Variants in GDPD4 observed in about 807,000 individuals in gnomAD.
GDPD4 encodes glycerophosphodiester phosphodiesterase domain containing 4.
GDPD4 carries 60 observed loss-of-function variants against 67.8 expected under a neutral mutation model. The observed-to-expected ratio is 0.88, with a 90% CI of 0.72 to 1.10. The LOEUF (loss-of-function observed/expected upper bound fraction) is 1.10. Ranked by LOEUF, GDPD4 falls within the 50% of genes least tolerant of loss-of-function variation. The probability of loss-of-function intolerance (pLI) is 0.00; values close to 1 mark genes in which losing one functional copy is unlikely to be tolerated. For missense variants in GDPD4, 623 were observed against 613.9 expected, an observed-to-expected ratio of 1.01 and a Z score of -0.16; for synonymous variants, 212 against 210.9, an observed-to-expected ratio of 1.00 and a Z score of -0.04.
intron 13 of GDPD4, among the ~76,000 whole-genome samples, chr11:77,242,064 T>A (rs1958678514): frequency 6.9e-6 from 1 of 144,910 alleles, no homozygotes; most frequent in Non-Finnish European, 1.5e-5. Flanking sequence ...AAATGTTGGG[T>A]CAAAAGGTAT....
Position 77,285,140 on chromosome 11 carries a change from G to C in GDPD4, c.-3C>G. 1 of 1,609,962 alleles carries C rather than the reference G, an allele frequency of 6.2e-7. No individual in the cohort carries two copies. The highest frequency in any genetic ancestry group is 1.7e-5 in the Admixed American group (1 of 59,868). On this transcript the variant is annotated 5_prime_UTR_variant, in exon 3 of 17. Transcript: ENST00000315938. ...TCTATCCACAGGAACAGCAACATCA[G>C]AGACAAGACAAATGAAATTACCAGG...
At chr11:77,289,533 C>A (rs1937694006) in intron 1 of GDPD4, among the ~76,000 whole-genome samples, 1 of 151,792 alleles carries the variant, frequency 6.6e-6, no homozygotes, top group South Asian at 2.1e-4. Flanking sequence ...AGTTCGAGAC[C>A]AGCCTGGCCA....
chr11:77,257,765 G>A (rs966845074), intron 11 of GDPD4, among the ~76,000 whole-genome samples: 2 of 152,158 alleles, frequency 1.3e-5, no homozygotes, highest in African/African-American at 2.4e-5. Flanking sequence ...TGCACAGCAC[G>A]TGCTTTATAC....
At chr11:77,242,957 G>A (rs1438310944) in intron 13 of GDPD4, among the ~76,000 whole-genome samples, 1 of 151,590 alleles carries the variant, frequency 6.6e-6, no homozygotes, top group Non-Finnish European at 1.5e-5. Flanking sequence ...GTAGATAATA[G>A]ATATCTATAT....
In GDPD4 at chr11:77,268,546, A is replaced by G. The variant is rs988445048; in HGVS notation, c.625-7T>C. 1 of 1,603,964 alleles carries G rather than the reference A, an allele frequency of 6.2e-7. No individual in the cohort carries two copies. The highest frequency in any genetic ancestry group is 2.2e-5 in the East Asian group (1 of 44,778). On this transcript the variant is annotated splice_polypyrimidine_tract_variant and splice_region_variant and intron_variant, in intron 9 of 16. Transcript: ENST00000315938. Reference sequence around the variant, plus strand: ...TGGTATTCTCAGGCCCCAACTGTAGAAGAAAAGGACATCAGGCCCTAAGCC... The same window carrying G: ...TGGTATTCTCAGGCCCCAACTGTAGGAGAAAAGGACATCAGGCCCTAAGCC...
intron 8 of GDPD4, among the ~76,000 whole-genome samples, chr11:77,269,277 CATT>C (rs768396303): frequency 2.0e-5 from 3 of 152,030 alleles, no homozygotes; most frequent in Non-Finnish European, 2.9e-5. Context: ...AAATATAGGG[CATT>C]ATTATTAAGG....
intron 3 of GDPD4, among the ~76,000 whole-genome samples, chr11:77,279,974 C>A (rs1959683377): frequency 6.6e-6 from 1 of 152,148 alleles, no homozygotes; most frequent in South Asian, 2.1e-4. Context: ...ATTTCCTCCT[C>A]TCCGTACAAA....
chr11:77,281,056 C>T (rs1476741734), intron 3 of GDPD4, among the ~76,000 whole-genome samples: 1 of 152,176 alleles, frequency 6.6e-6, no homozygotes, highest in Non-Finnish European at 1.5e-5. Context: ...CGCTCTGGAC[C>T]ATTGTGTTAC....
At chr11:77,237,328 G>C (rs530036507) in intron 13 of GDPD4, among the ~76,000 whole-genome samples, 1 of 152,292 alleles carries the variant, frequency 6.6e-6, no homozygotes, top group African/African-American at 2.4e-5. Flanking sequence ...AATCTCGGCA[G>C]TATGTAGGTT....
At chr11:77,260,698 TAATG>T (rs1181389128) in intron 10 of GDPD4, among the ~76,000 whole-genome samples, 2 of 152,048 alleles carry the variant, frequency 1.3e-5, no homozygotes, top group African/African-American at 4.8e-5. Context: ...AACATGAACA[TAATG>T]AAGATACACA....
intron 10 of GDPD4, among the ~76,000 whole-genome samples, chr11:77,267,906 A>G (rs888813769): frequency 6.6e-6 from 1 of 151,882 alleles, no homozygotes; most frequent in Admixed American, 6.6e-5. Flanking sequence ...TGAGCACACA[A>G]ATTTTTTTTC....
chr11:77,275,498 T>C (rs922515188), intron 5 of GDPD4, among the ~76,000 whole-genome samples: 1 of 152,184 alleles, frequency 6.6e-6, no homozygotes, highest in Non-Finnish European at 1.5e-5. Flanking sequence ...AAGAGAGTTA[T>C]AGTCAAGGTT....
chr11:77,279,362 A>G lies in GDPD4; in HGVS notation c.91T>C (p.Ser31Pro), dbSNP rs1261255304. The change falls in exon 4 of 17, where the codon TCT (serine) becomes CCT (proline). Residue 31 changes from serine to proline, a missense_variant. Physicochemically the swap from Ser to Pro is moderately conservative, Grantham distance 74. Coordinates refer to ENST00000315938, the MANE Select transcript of GDPD4 (RefSeq NM_182833.3). ...FLGTGYWFFW[S>P]IFILSLARIL... ...CTAGCTAAACTCAGAATAAAAATAGACCAGAAAAACCAGTATCCTGTTCCT... is the reference window on the plus strand; with the variant it reads ...CTAGCTAAACTCAGAATAAAAATAGGCCAGAAAAACCAGTATCCTGTTCCT... 6.2e-7 allele frequency: 1 copy of G among 1,612,420 alleles called. No individual in the cohort carries two copies. The highest frequency in any genetic ancestry group is 1.7e-5 in the Admixed American group (1 of 59,972).
At chr11:77,258,101 C>A (rs2156567) in intron 11 of GDPD4, among the ~76,000 whole-genome samples, 29,229 of 152,092 alleles carry the variant, frequency 0.19, 3,737 homozygotes, top group Non-Finnish European at 0.27. Flanking sequence ...TACATGTTAG[C>A]CATACTGTAA....
chr11:77,226,365 A>C (rs777434178), intron 16 of GDPD4, among the ~76,000 whole-genome samples: 27 of 152,156 alleles, frequency 1.8e-4, no homozygotes, highest in Non-Finnish European at 1.2e-4. Context: ...AAATGAAGCC[A>C]TAAGGGTGGG....
chr11:77,244,797 C>T (rs1958748955), intron 12 of GDPD4, among the ~76,000 whole-genome samples: 2 of 152,206 alleles, frequency 1.3e-5, no homozygotes, highest in Admixed American at 1.3e-4. Context: ...TCACAGCACT[C>T]CCATATTCTG....
chr11:77,227,781 AG>A lies in GDPD4; in HGVS notation c.1525+82del. The A allele has an allele frequency of 3.4e-6, 3 of 872,626 alleles. No individual in the cohort carries two copies. The South Asian group carries it at 4.0e-5, about 12-fold the overall frequency. 54.1% of individuals were successfully genotyped at this position (872,626 alleles called of 1,614,324 possible). Reference sequence around the variant, plus strand: ...TTTCCAGACACCCTCAGCTCTTGTCAGGGACATGAAAAGCTGCCTCTGTCTC... The same window carrying A: ...TTTCCAGACACCCTCAGCTCTTGTCAGGACATGAAAAGCTGCCTCTGTCTC... On this transcript the variant is annotated intron_variant, in intron 16 of 16. Coordinates refer to ENST00000315938, the MANE Select transcript of GDPD4 (RefSeq NM_182833.3).
intron 7 of GDPD4, 102 bp downstream of exon 7, chr11:77,271,028 C>A: frequency 1.3e-6 from 1 of 760,184 alleles, no homozygotes; most frequent in East Asian, 2.6e-5. Flanking sequence ...TTCAACGAGG[C>A]ATAGGGGTGG....
chr11:77,243,967 G>C, intron 12 of GDPD4, 119 bp from the exon 13 acceptor site: 2 of 671,038 alleles, frequency 3.0e-6, no homozygotes, highest in Non-Finnish European at 5.2e-6. Context: ...AGAGTAGAGA[G>C]AGAGAGTCTA....
Sources: allele counts gnomAD v4.1 joint callset (sites outside exome capture counted in the v4.1 genomes callset), GRCh38; gene constraint gnomAD v4.1.1; transcripts MANE v1.5; gene names NCBI Gene and HGNC (gene_info 2026-07-23, HGNC 2026-07-21).